The following SERPINE2 variants were observed in gnomAD, a reference collection of about 807,000 sequenced individuals.
SERPINE2 encodes serpin family E member 2, also known as glia-derived nexin.
A neutral mutation model predicts 36.3 loss-of-function variants in SERPINE2; 14 were observed. The observed-to-expected ratio is 0.39, with a 90% CI of 0.25 to 0.60. SERPINE2 has a LOEUF of 0.60. SERPINE2 is among the 20% of genes least tolerant of loss of function. The pLI is 0.57. For synonymous variants in SERPINE2, 192 were observed against 191.8 expected (o/e 1.00, Z -0.01); for missense variants, 418 against 499.6 (o/e 0.84, Z 1.56).
At chr2:223,989,662 G>A (rs367907503) in intron 4 of SERPINE2, among the ~76,000 whole-genome samples, 23 of 152,340 alleles carry the variant, frequency 1.5e-4, no homozygotes, top group African/African-American at 5.5e-4. Context: ...GCCCAGAACA[G>A]AGTCGCATCC....
At chr2:224,015,441 G>A (rs1464933379) in intron 1 of SERPINE2, among the ~76,000 whole-genome samples, 1 of 152,210 alleles carries the variant, frequency 6.6e-6, no homozygotes, top group Non-Finnish European at 1.5e-5. Context: ...AAGCAAGGAA[G>A]AGTATTCCAG....
chr2:224,005,087 AT>A (rs1285692549), intron 1 of SERPINE2, among the ~76,000 whole-genome samples: 3 of 110,436 alleles, frequency 2.7e-5, no homozygotes, highest in Admixed American at 9.8e-5. Context: ...ATATATATAT[AT>A]ATATATATAA....
At chr2:224,008,204 G>A (rs1027452108) in intron 1 of SERPINE2, among the ~76,000 whole-genome samples, 2 of 152,222 alleles carry the variant, frequency 1.3e-5, no homozygotes. Flanking sequence ...GTCTCTTTTT[G>A]TGGTGTTAGC....
intron 6 of SERPINE2, 41 bp downstream of exon 6, chr2:223,982,640 A>C: frequency 8.3e-7 from 1 of 1,210,686 alleles, no homozygotes; most frequent in Non-Finnish European, 1.2e-6. Context: ...AGTTTGTAAC[A>C]CTTTCTTCAA....
chr2:224,033,029 C>T (rs6738726), intron 1 of SERPINE2, among the ~76,000 whole-genome samples: 94,702 of 152,074 alleles, frequency 0.62, 29,888 homozygotes, highest in South Asian at 0.71. Context: ...ATACTAATCT[C>T]TCAGTATTCT....
At chr2:224,029,072 T>G (rs1692277672) in intron 1 of SERPINE2, among the ~76,000 whole-genome samples, 1 of 152,236 alleles carries the variant, frequency 6.6e-6, no homozygotes, top group Admixed American at 6.5e-5. Context: ...TTTACCACCT[T>G]GCTGCACAAG....
chr2:224,025,116 G>C (rs1574848211), intron 1 of SERPINE2, among the ~76,000 whole-genome samples: 1 of 152,242 alleles, frequency 6.6e-6, no homozygotes, highest in Non-Finnish European at 1.5e-5. Context: ...GAGAGGTTGG[G>C]GAACCTGCCC....
intron 5 of SERPINE2, 40 bp downstream of exon 5, chr2:223,984,712 A>G: frequency 1.3e-6 from 2 of 1,588,320 alleles, no homozygotes; most frequent in Non-Finnish European, 1.7e-6. Flanking sequence ...TGCTGATTGA[A>G]TAATGCCACT....
chr2:223,983,694 G>GCACA (rs71058970), intron 5 of SERPINE2, among the ~76,000 whole-genome samples: 7 of 18,908 alleles, frequency 3.7e-4, no homozygotes, highest in Middle Eastern at 0.022. Context: ...GGAGATATAT[G>GCACA]CACACACACA....
At chr2:223,997,239 T>G (rs1360819240) in intron 3 of SERPINE2, among the ~76,000 whole-genome samples, 1 of 152,166 alleles carries the variant, frequency 6.6e-6, no homozygotes, top group Non-Finnish European at 1.5e-5. Flanking sequence ...GTTGTTGTTT[T>G]AGACACAGTC....
intron 1 of SERPINE2, among the ~76,000 whole-genome samples, chr2:224,025,437 G>GAT (rs1324548372): frequency 2.0e-5 from 3 of 152,130 alleles, no homozygotes; most frequent in African/African-American, 7.2e-5. Context: ...TGCATGCTTG[G>GAT]ATATAGGGCA....
chr2:224,032,026 G>A (rs1245292622), intron 1 of SERPINE2, among the ~76,000 whole-genome samples: 2 of 152,168 alleles, frequency 1.3e-5, no homozygotes, highest in East Asian at 1.9e-4. Flanking sequence ...CCTTGTTTCC[G>A]AGTTATTTTG....
chr2:223,980,522 A>C, intron 6 of SERPINE2, 125 bp from the exon 7 acceptor site: 1 of 728,500 alleles, frequency 1.4e-6, no homozygotes, highest in Non-Finnish European at 2.4e-6. Flanking sequence ...AGAAGACATG[A>C]CCTCTGACAG....
At position 224,038,486 on chromosome 2, in the gene SERPINE2, T is replaced by G; in HGVS notation, c.-23+613A>C. ...AATTTCTGAGTACCGTACTTTCATT[T>G]TACCTGCAGTCACTCATCCGCCTCG... On this transcript the variant is annotated intron_variant, in intron 1 of 8. Transcript: ENST00000409304. 2.6e-6 allele frequency: 4 copies of G among 1,551,430 alleles called. No individual in the cohort carries two copies. In the Middle Eastern group the frequency reaches 6.7e-4, roughly 259 times the overall value.
intron 4 of SERPINE2, among the ~76,000 whole-genome samples, chr2:223,989,936 C>T (rs1407689923): frequency 6.6e-6 from 1 of 152,080 alleles, no homozygotes; most frequent in African/African-American, 2.4e-5. Flanking sequence ...ATGGACAGTA[C>T]CCTGGACAAG....
At chr2:224,031,540 T>C (rs1377524235) in intron 1 of SERPINE2, 1 of 982,906 alleles carries the variant, frequency 1.0e-6, no homozygotes, top group Non-Finnish European at 1.2e-6. Context: ...CAGCCATTGG[T>C]ACACGGAAGG....
chr2:223,999,643 C>G (rs184576977), intron 2 of SERPINE2, among the ~76,000 whole-genome samples: 1 of 152,194 alleles, frequency 6.6e-6, no homozygotes, highest in Non-Finnish European at 1.5e-5. Context: ...GGCTGAAAGA[C>G]AATTCCAAGG....
intron 1 of SERPINE2, among the ~76,000 whole-genome samples, chr2:224,032,994 T>C (rs946774884): frequency 6.6e-6 from 1 of 152,236 alleles, no homozygotes; most frequent in African/African-American, 2.4e-5. Context: ...TGGGAGGTGG[T>C]ATTTCTCAAA....
At chr2:224,012,063 C>T (rs1691644120) in intron 1 of SERPINE2, among the ~76,000 whole-genome samples, 2 of 152,340 alleles carry the variant, frequency 1.3e-5, no homozygotes, top group East Asian at 1.9e-4. Flanking sequence ...TCCCTGAGGA[C>T]TAACAGCCAT....
Sources: gnomAD v4.1 joint callset for allele counts (sites outside exome capture counted in the v4.1 genomes callset) on GRCh38, gnomAD v4.1.1 for gene constraint, MANE v1.5 for transcripts, NCBI Gene and HGNC (gene_info 2026-07-23, HGNC 2026-07-21) for gene names.